SND1: variants seen among roughly 807,000 people sequenced by gnomAD.
SND1 encodes the protein staphylococcal nuclease and tudor domain containing 1, also known as staphylococcal nuclease domain-containing protein 1.
SND1 carries 38 observed loss-of-function variants against 121.7 expected under a neutral mutation model. The observed-to-expected ratio is 0.31, with a 90% CI of 0.24 to 0.41. SND1 has a LOEUF of 0.41. Ranked by LOEUF, SND1 falls within the 10% of genes least tolerant of loss-of-function variation. The probability of loss-of-function intolerance (pLI) is 1.00; values close to 1 mark genes in which losing one functional copy is unlikely to be tolerated. For missense variants in SND1, 868 were observed against 1,184.6 expected (o/e 0.73, Z 3.92); for synonymous variants, 401 against 447.4 (o/e 0.90, Z 1.31).
chr7:127,687,031 A>C, intron 2 of SND1: 1 of 336,392 alleles, frequency 3.0e-6, no homozygotes, highest in Non-Finnish European at 5.4e-6. Flanking sequence ...CTTTTCTTGG[A>C]ATAGTTTAGG....
intron 7 of SND1, 32 bp from the exon 8 acceptor site, chr7:127,704,807 C>T (rs376771687): frequency 2.2e-5 from 34 of 1,538,150 alleles, no homozygotes; most frequent in African/African-American, 1.9e-4. Context: ...GAGTCTAATC[C>T]GTGCCTGCCT....
chr7:127,686,852 C>G, intron 2 of SND1, 90 bp downstream of exon 2: 2 of 1,402,122 alleles, frequency 1.4e-6, no homozygotes, highest in Non-Finnish European at 2.0e-6. Flanking sequence ...TGTACTCTTT[C>G]TTTGTATTTT....
intron 15 of SND1, among the ~76,000 whole-genome samples, chr7:127,940,157 G>A (rs952772679): frequency 6.6e-6 from 1 of 152,058 alleles, no homozygotes; most frequent in Non-Finnish European, 1.5e-5. Context: ...GTGGGCACTG[G>A]GGGATGGAAT....
chr7:127,959,683 G>A (rs1801681832), intron 15 of SND1, among the ~76,000 whole-genome samples: 1 of 152,088 alleles, frequency 6.6e-6, no homozygotes. Context: ...CTCTTCCATA[G>A]CACTGTCACC....
intron 14 of SND1, among the ~76,000 whole-genome samples, chr7:127,920,215 C>G (rs1434069408): frequency 1.3e-5 from 2 of 152,168 alleles, no homozygotes; most frequent in Non-Finnish European, 2.9e-5. Flanking sequence ...ACTTACTTGA[C>G]CTCAAAGAGA....
chr7:127,772,122 T>C lies in SND1; in HGVS notation c.1153-35362T>C, dbSNP rs117086933. Among the ~76,000 whole-genome samples the C allele has an allele frequency of 9.5e-3, 1,452 of 152,264 alleles. 12 individuals are homozygous for C. Among genetic ancestry groups the C allele is most frequent in the Middle Eastern group, 0.014 (4 of 294 alleles). ...CATTAGAGGTGGGGAGTGGAACATA[T>C]ATGTCAGTGAAAACTCATTTAGATT... On this transcript the variant is annotated intron_variant, in intron 10 of 23. Coordinates refer to ENST00000354725, the MANE Select transcript of SND1 (RefSeq NM_014390.4).
intron 1 of SND1, among the ~76,000 whole-genome samples, chr7:127,661,118 A>T (rs765359781): frequency 7.2e-5 from 11 of 152,098 alleles, no homozygotes; most frequent in Non-Finnish European, 1.6e-4. Flanking sequence ...TTATGAGGGG[A>T]GGATAGTGGT....
intron 10 of SND1, among the ~76,000 whole-genome samples, chr7:127,743,472 G>GC (rs1326228892): frequency 1.3e-5 from 2 of 152,174 alleles, no homozygotes; most frequent in African/African-American, 4.8e-5. Context: ...TAGCAAAATA[G>GC]CCCCCAACGT....
chr7:127,754,863 T>A (rs532986287), intron 10 of SND1, among the ~76,000 whole-genome samples: 16 of 152,376 alleles, frequency 1.1e-4, no homozygotes, highest in Middle Eastern at 3.4e-3. Context: ...ATTTCAGTGG[T>A]CTGATTTTCA....
At chr7:127,884,333 A>G (rs947125582) in intron 12 of SND1, among the ~76,000 whole-genome samples, 36 of 152,116 alleles carry the variant, frequency 2.4e-4, no homozygotes, top group African/African-American at 8.7e-4. Flanking sequence ...ATTGAAAACC[A>G]TGTGTGGCAG....
At chr7:128,090,480 T>G (rs1206599963) in intron 22 of SND1, among the ~76,000 whole-genome samples, 1 of 152,004 alleles carries the variant, frequency 6.6e-6, no homozygotes, top group Non-Finnish European at 1.5e-5. Flanking sequence ...CAGCGAACCA[T>G]CCAAGAGGGC....
chr7:127,840,807 T>C (rs1798950859), intron 11 of SND1, among the ~76,000 whole-genome samples: 1 of 152,164 alleles, frequency 6.6e-6, no homozygotes, highest in Non-Finnish European at 1.5e-5. Flanking sequence ...GTGTATATCT[T>C]GGCTGTGGGC....
intron 16 of SND1, chr7:128,028,563 G>A (rs1403887761): frequency 1.9e-5 from 18 of 961,846 alleles, no homozygotes; most frequent in Non-Finnish European, 2.6e-5. Flanking sequence ...TTTTTAACCA[G>A]CCCATAGACT....
At chr7:127,881,151 GTCTGCCTCCCACTC>G (rs1421436202) in intron 12 of SND1, among the ~76,000 whole-genome samples, 3 of 152,010 alleles carry the variant, frequency 2.0e-5, no homozygotes, top group Non-Finnish European at 4.4e-5. Context: ...TTCCAGTAAT[GTCTGCCTCCCACTC>G]TCTGGGTCCA....
At chr7:127,952,202 C>G (rs1249567120) in intron 15 of SND1, among the ~76,000 whole-genome samples, 1 of 152,196 alleles carries the variant, frequency 6.6e-6, no homozygotes. Context: ...TTCATCTATA[C>G]AGGAAAGCGA....
At chr7:127,919,539 A>G (rs1331483219) in intron 14 of SND1, among the ~76,000 whole-genome samples, 1 of 152,174 alleles carries the variant, frequency 6.6e-6, no homozygotes, top group Non-Finnish European at 1.5e-5. Flanking sequence ...AGTATTTTAA[A>G]CCTGTTAAGT....
intron 16 of SND1, among the ~76,000 whole-genome samples, chr7:128,041,531 G>A (rs1054832291): frequency 1.3e-5 from 2 of 152,198 alleles, no homozygotes; most frequent in African/African-American, 2.4e-5. Context: ...GTCTGCAAAT[G>A]CTTCCAGTGG....
Position 127,939,875 on chromosome 7 carries a change from G to T in SND1, c.1669+10546G>T, listed in dbSNP as rs1232206332. ...TCCTTCCTCCTGAATTCTCTGACTA[G>T]TGTTTCTACTCTTCTACTCTAAAGC... On this transcript the variant is annotated intron_variant, in intron 15 of 23. Coordinates refer to ENST00000354725, the MANE Select transcript of SND1 (RefSeq NM_014390.4). Among the ~76,000 whole-genome samples, 3 of 152,164 alleles carry T rather than the reference G, an allele frequency of 2.0e-5. No homozygotes were observed. The East Asian group carries it at 5.8e-4, about 29-fold the overall frequency.
chr7:127,763,339 TAC>T (rs1244156253), intron 10 of SND1, among the ~76,000 whole-genome samples: 1 of 152,244 alleles, frequency 6.6e-6, no homozygotes, highest in East Asian at 1.9e-4. Flanking sequence ...ATCATATATA[TAC>T]ATTCAGTCAA....
Sources: allele counts gnomAD v4.1 joint callset (sites outside exome capture counted in the v4.1 genomes callset), GRCh38; gene constraint gnomAD v4.1.1; transcripts MANE v1.5; gene names NCBI Gene and HGNC (gene_info 2026-07-23, HGNC 2026-07-21).